DHX35: variants seen among roughly 807,000 people sequenced by gnomAD.
DHX35 encodes the protein probable ATP-dependent RNA helicase DHX35.
Under a neutral mutation model 99.6 loss-of-function variants are expected in DHX35, and 84 were observed. The observed-to-expected ratio is 0.84, with a 90% CI of 0.71 to 1.01. The LOEUF is 1.01. Ranked by LOEUF, DHX35 falls within the 50% of genes least tolerant of loss-of-function variation. The pLI, the probability that DHX35 is intolerant of heterozygous loss-of-function variation, is 0.00. For missense variants in DHX35, 852 were observed against 888.5 expected, an observed-to-expected ratio of 0.96 and a Z score of 0.52; for synonymous variants, 331 against 316.2, an observed-to-expected ratio of 1.05 and a Z score of -0.50.
intron 21 of DHX35, among the ~76,000 whole-genome samples, chr20:39,037,925 GAA>G (rs11357172): frequency 2.0e-5 from 3 of 149,604 alleles, no homozygotes; most frequent in Non-Finnish European, 3.0e-5. Context: ...CATTTCTGGG[GAA>G]AAAAAAAAGT....
At chr20:39,004,124 G>A (rs1258060677) in intron 11 of DHX35, among the ~76,000 whole-genome samples, 5 of 151,878 alleles carry the variant, frequency 3.3e-5, no homozygotes, top group South Asian at 2.1e-4. Flanking sequence ...GTGCAGTGGC[G>A]CGATCTCAGC....
At chr20:39,034,511 A>G (rs572272858) in intron 21 of DHX35, among the ~76,000 whole-genome samples, 194 bp downstream of exon 21, 2 of 152,332 alleles carry the variant, frequency 1.3e-5, no homozygotes, top group South Asian at 4.1e-4. Flanking sequence ...AAGTGCAATT[A>G]AAAATAAATC....
chr20:38,988,990 G>T, intron 5 of DHX35, 73 bp downstream of exon 5: 1 of 1,552,546 alleles, frequency 6.4e-7, no homozygotes, highest in Non-Finnish European at 8.8e-7. Flanking sequence ...AAAACATGTA[G>T]TCCTTGCTGC....
chr20:38,968,794 C>T (rs576565967), intron 1 of DHX35, among the ~76,000 whole-genome samples: 6 of 152,176 alleles, frequency 3.9e-5, no homozygotes, highest in South Asian at 2.1e-4. Context: ...TCAGGCAATC[C>T]GCCCGCCTCG....
chr20:39,010,640 G>T (rs1460595431), intron 13 of DHX35, among the ~76,000 whole-genome samples: 1 of 152,198 alleles, frequency 6.6e-6, no homozygotes, highest in Non-Finnish European at 1.5e-5. Flanking sequence ...ATAGAGACAA[G>T]TAAGTGGGTA....
chr20:38,993,541 G>A lies in DHX35; in HGVS notation c.582+1116G>A, dbSNP rs147292486. ...ATGCCTGGCTAATTTTGTATTTTTA[G>A]TAGAGATGGGGTTTGGTTCCTCCAT... On this transcript the variant is annotated intron_variant, in intron 7 of 21. Coordinates refer to ENST00000252011, the MANE Select transcript of DHX35 (RefSeq NM_021931.4). 8.1e-3 allele frequency among the ~76,000 whole-genome samples: 1,231 copies of A among 152,194 alleles called. 16 individuals are homozygous for A. The highest frequency in any genetic ancestry group is 0.028 in the African/African-American group (1,165 of 41,546).
At chr20:38,986,361 T>C (rs894557398) in intron 4 of DHX35, among the ~76,000 whole-genome samples, 2 of 152,102 alleles carry the variant, frequency 1.3e-5, no homozygotes, top group African/African-American at 2.4e-5. Context: ...TAATAAAAAT[T>C]TAAAAATAGA....
chr20:38,994,863 G>T lies in DHX35; in HGVS notation c.625G>T (p.Ala209Ser). The change falls in exon 8 of 22, where the codon GCC (alanine) becomes TCC (serine). Residue 209 changes from alanine to serine, a missense_variant. Coordinates refer to ENST00000252011, the MANE Select transcript of DHX35 (RefSeq NM_021931.4). ...RGDLRLIVAS[A>S]TLDADKFRDF... ...GGATCTTCGATTGATTGTAGCTTCA[G>T]CCACTCTGGATGCAGACGTAAGAGC... 6.2e-7 allele frequency: 1 copy of T among 1,613,702 alleles called. No homozygotes were observed. Among genetic ancestry groups the T allele is most frequent in the Non-Finnish European group, 8.5e-7 (1 of 1,179,716 alleles).
chr20:39,002,036 T>C (rs777901591), intron 9 of DHX35, among the ~76,000 whole-genome samples, 194 bp downstream of exon 9: 5 of 152,204 alleles, frequency 3.3e-5, no homozygotes, highest in Non-Finnish European at 7.3e-5. Flanking sequence ...CACACTGACA[T>C]GCAAGTTTCC....
intron 13 of DHX35, 54 bp from the exon 14 acceptor site, chr20:39,014,826 T>C: frequency 6.2e-7 from 1 of 1,606,006 alleles, no homozygotes; most frequent in Non-Finnish European, 8.5e-7. Context: ...AGCCACATTT[T>C]AATGTTTGTT....
chr20:38,980,138 A>G lies in DHX35; in HGVS notation c.268-3561A>G, dbSNP rs545763218. Among the ~76,000 whole-genome samples the G allele has an allele frequency of 5.3e-5, 8 of 152,154 alleles. No homozygotes were observed. The South Asian group carries it at 1.4e-3, about 28-fold the overall frequency. ...TCATAAGCATGCCATAGAAGTCTGAATCACACAGGGTATTGAGGTGACTAG... is the reference window on the plus strand; with the variant it reads ...TCATAAGCATGCCATAGAAGTCTGAGTCACACAGGGTATTGAGGTGACTAG... On this transcript the variant is annotated intron_variant, in intron 3 of 21. Coordinates refer to ENST00000252011, the MANE Select transcript of DHX35 (RefSeq NM_021931.4).
chr20:39,009,821 G>A (rs2086671685), intron 12 of DHX35, among the ~76,000 whole-genome samples: 1 of 152,132 alleles, frequency 6.6e-6, no homozygotes, highest in Non-Finnish European at 1.5e-5. Context: ...TACCTGGCTT[G>A]TTGATTTAAA....
intron 12 of DHX35, among the ~76,000 whole-genome samples, chr20:39,009,614 T>C (rs1299284459): frequency 6.6e-6 from 1 of 152,060 alleles, no homozygotes; most frequent in East Asian, 1.9e-4. Flanking sequence ...TTCCCCACCC[T>C]TCCTGCCTAG....
At position 38,967,135 on chromosome 20, in the gene DHX35, G is replaced by A. The variant is rs552871700; in HGVS notation, c.41-1946G>A. On this transcript the variant is annotated intron_variant, in intron 1 of 21. Coordinates refer to ENST00000252011, the MANE Select transcript of DHX35 (RefSeq NM_021931.4). ...CTAAACTTAGCTCTAGGGGGTCTACGGACCCCCCCGAATTTTATATTCTGG... is the reference window on the plus strand; with the variant it reads ...CTAAACTTAGCTCTAGGGGGTCTACAGACCCCCCCGAATTTTATATTCTGG... Among the ~76,000 whole-genome samples the A allele has an allele frequency of 4.9e-3, 3 of 612 alleles. No homozygotes were observed. The African/African-American group carries it at 0.071, about 15-fold the overall frequency. The allele number at this position is 612 out of a possible 152,430, so 0.4% of individuals were successfully genotyped here.
At chr20:38,985,287 C>T (rs2145862856) in intron 4 of DHX35, among the ~76,000 whole-genome samples, 1 of 148,660 alleles carries the variant, frequency 6.7e-6, no homozygotes, top group South Asian at 2.1e-4. Context: ...ACTTCGGAGG[C>T]TGAGCCAGAA....
chr20:39,017,725 G>C (rs2086808404), intron 14 of DHX35, among the ~76,000 whole-genome samples: 1 of 152,186 alleles, frequency 6.6e-6, no homozygotes, highest in South Asian at 2.1e-4. Flanking sequence ...GCCAATAGAG[G>C]GCAAGAAGGG....
chr20:39,004,389 C>T (rs1472307718), intron 11 of DHX35, among the ~76,000 whole-genome samples: 6 of 152,122 alleles, frequency 3.9e-5, no homozygotes, highest in African/African-American at 1.2e-4. Flanking sequence ...TAAACCTGTC[C>T]CACTGAAGGA....
chr20:39,002,679 C>T, intron 9 of DHX35, 93 bp from the exon 10 acceptor site: 5 of 1,153,702 alleles, frequency 4.3e-6, no homozygotes, highest in Non-Finnish European at 6.3e-6. Flanking sequence ...CCCAAACTCA[C>T]TTTGATGAGC....
intron 11 of DHX35, among the ~76,000 whole-genome samples, chr20:39,005,069 T>C (rs527469868): frequency 3.3e-5 from 5 of 152,282 alleles, no homozygotes; most frequent in Admixed American, 1.3e-4. Flanking sequence ...AGATAGGTGG[T>C]TTTATAGCAT....
Sources: allele counts gnomAD v4.1 joint callset (sites outside exome capture counted in the v4.1 genomes callset), GRCh38; gene constraint gnomAD v4.1.1; transcripts MANE v1.5; gene names NCBI Gene and HGNC (gene_info 2026-07-23, HGNC 2026-07-21).